The following TIAM2 variants were observed in gnomAD, a reference collection of about 807,000 sequenced individuals.
TIAM2 encodes TIAM Rac1 associated GEF 2.
TIAM2 carries 80 observed loss-of-function variants against 152.9 expected under a neutral mutation model. The observed-to-expected ratio is 0.52, with a 90% CI of 0.44 to 0.63. TIAM2 has a LOEUF of 0.63. Ranked by LOEUF, TIAM2 falls within the 30% of genes least tolerant of loss-of-function variation. The probability of loss-of-function intolerance (pLI) is 0.00; values close to 1 mark genes in which losing one functional copy is unlikely to be tolerated. For missense variants in TIAM2, 1,965 were observed against 2,120.1 expected (o/e 0.93, Z 1.44); for synonymous variants, 804 against 838.0 (o/e 0.96, Z 0.70).
In TIAM2 at chr6:155,244,738, A is replaced by G. The variant is rs1783221223; in HGVS notation, c.3498A>G (p.Ser1166=). 1.2e-6 allele frequency: 2 copies of G among 1,614,110 alleles called. No homozygotes were observed. The highest frequency in any genetic ancestry group is 1.7e-6 in the Non-Finnish European group (2 of 1,179,996). ...TGGAGACCCTGGAGGATGGGATTTC[A>G]GCATCATCTGACTTTAACACCCTAG... is the stretch of plus-strand genomic sequence containing the variant. ...VFLETLEDGI[S]ASSDFNTLET... The change falls in exon 18 of 27, where the codon TCA becomes TCG. Residue 1166 remains serine (S), a synonymous_variant. Coordinates refer to ENST00000682666, the MANE Select transcript of TIAM2 (RefSeq NM_012454.4).
At chr6:155,177,610 C>T (rs1780787808) in intron 10 of TIAM2, among the ~76,000 whole-genome samples, 1 of 152,208 alleles carries the variant, frequency 6.6e-6, no homozygotes, top group South Asian at 2.1e-4. Context: ...ATACAATCAA[C>T]TATGTTGAAA....
At chr6:155,114,011 ACT>A (rs1778928185) in intron 2 of TIAM2, among the ~76,000 whole-genome samples, 12 of 49,168 alleles carry the variant, frequency 2.4e-4, no homozygotes, top group Non-Finnish European at 3.5e-4. Flanking sequence ...TTTATACTTT[ACT>A]TTATATATAT....
chr6:155,129,794 T>C lies in TIAM2; in HGVS notation c.571T>C (p.Cys191Arg), dbSNP rs1466810256. The change falls in exon 4 of 27, where the codon TGC becomes CGC. Residue 191 changes from cysteine to arginine, a missense_variant. By Grantham distance (180) the Cys-to-Arg change is radical (BLOSUM62 -3). Around this residue, in one of 3 missense-constraint regions of TIAM2, gnomAD observed 1,025 missense variants for 1,119.4 expected, o/e 0.92. Coordinates refer to ENST00000682666, the MANE Select transcript of TIAM2 (RefSeq NM_012454.4). The surrounding 1 kb of genome is among the most constrained non-coding windows in gnomAD (Gnocchi z 4.8). ...CCCCAGCAAAGTGCCTGCAGAGGAC[T>C]GCAGTGAGCCGGTGCAGCTGCTGAG... The part of the protein sequence containing the change: ...GNPSKVPAED[C>R]SEPVQLLRYS... 6.2e-7 allele frequency: 1 copy of C among 1,613,778 alleles called. No individual in the cohort carries two copies. The highest frequency in any genetic ancestry group is 1.7e-5 in the Admixed American group (1 of 60,032).
At chr6:155,243,547 G>C (rs185722258) in intron 16 of TIAM2, among the ~76,000 whole-genome samples, 2 of 152,084 alleles carry the variant, frequency 1.3e-5, no homozygotes, top group African/African-American at 4.8e-5. Context: ...TACTTTTGGG[G>C]TCAGGAATTT....
chr6:155,052,653 C>T (rs1009108317), intron 1 of TIAM2, among the ~76,000 whole-genome samples: 7 of 151,624 alleles, frequency 4.6e-5, no homozygotes, highest in African/African-American at 1.7e-4. Context: ...GTAATCCCAG[C>T]GACTCGGGAG....
chr6:155,183,623 G>A, intron 14 of TIAM2, 123 bp downstream of exon 14: 7 of 1,172,356 alleles, frequency 6.0e-6, no homozygotes, highest in Non-Finnish European at 8.1e-6. Context: ...TAATTTATTA[G>A]AAGAACACAG....
Position 155,257,023 on chromosome 6 carries a change from C to T in TIAM2, c.5008C>T (p.Leu1670=). ...DSQSENATID[L]NSVLEREFSV... ...TCAGTCTGAAAATGCCACCATCGAC[C>T]TAAATTCTGTTCTAGAGCGAGAATT... The change falls in exon 27 of 27, where the codon CTA becomes TTA. Residue 1670 remains leucine, a synonymous_variant. Coordinates refer to ENST00000682666, the MANE Select transcript of TIAM2 (RefSeq NM_012454.4). 1.2e-6 allele frequency: 2 copies of T among 1,614,162 alleles called. No homozygotes were observed. The highest frequency in any genetic ancestry group is 2.7e-5 in the African/African-American group (2 of 75,018).
intron 2 of TIAM2, among the ~76,000 whole-genome samples, chr6:155,094,992 G>A (rs1029937767): frequency 1.3e-5 from 2 of 151,828 alleles, no homozygotes; most frequent in Non-Finnish European, 2.9e-5. Context: ...CTCTTTTTCA[G>A]TTCTCCATGG....
intron 14 of TIAM2, among the ~76,000 whole-genome samples, chr6:155,193,781 T>C (rs1191707601): frequency 6.6e-6 from 1 of 152,188 alleles, no homozygotes; most frequent in Non-Finnish European, 1.5e-5. Context: ...TAAGTGAAAC[T>C]GGCGCATTTT....
At chr6:155,159,121 T>G (rs1780199647) in intron 7 of TIAM2, among the ~76,000 whole-genome samples, 1 of 152,188 alleles carries the variant, frequency 6.6e-6, no homozygotes, top group Non-Finnish European at 1.5e-5. Flanking sequence ...TTCTGAAGAA[T>G]TGTTATAAAA....
chr6:155,013,098 G>C (rs1243785311), intron 1 of TIAM2, among the ~76,000 whole-genome samples: 1 of 151,996 alleles, frequency 6.6e-6, no homozygotes. Flanking sequence ...TCCCCTACCT[G>C]TGGCACATTG....
chr6:155,244,542 T>G (rs1262215365), intron 17 of TIAM2, 116 bp from the exon 18 acceptor site: 8 of 1,287,930 alleles, frequency 6.2e-6, no homozygotes, highest in Non-Finnish European at 1.1e-6. Context: ...GGATTTACTT[T>G]CTGTCTGCTT....
At chr6:155,029,033 T>G (rs184697214) in intron 1 of TIAM2, among the ~76,000 whole-genome samples, 6 of 130,414 alleles carry the variant, frequency 4.6e-5, no homozygotes, top group African/African-American at 1.7e-4. Flanking sequence ...ACACTGTATA[T>G]ACTATATATA....
At chr6:155,037,855 C>T (rs1776951649) in intron 1 of TIAM2, among the ~76,000 whole-genome samples, 1 of 152,118 alleles carries the variant, frequency 6.6e-6, no homozygotes, top group Admixed American at 6.6e-5. Flanking sequence ...TGAGTCCTTA[C>T]TTCTTCTGTG....
intron 1 of TIAM2, among the ~76,000 whole-genome samples, chr6:155,049,289 G>C (rs1409063298): frequency 6.6e-6 from 1 of 152,120 alleles, no homozygotes; most frequent in Non-Finnish European, 1.5e-5. Context: ...CACCTTCCTG[G>C]GTGAGAGGGT....
chr6:155,071,316 A>G (rs901702894), intron 1 of TIAM2, among the ~76,000 whole-genome samples: 6 of 152,244 alleles, frequency 3.9e-5, no homozygotes, highest in African/African-American at 1.4e-4. Flanking sequence ...CTGAACTTAC[A>G]TGACTTGGGA....
Position 155,130,296 on chromosome 6 carries a change from TC to T in TIAM2, c.1077del (p.Cys360ValfsTer57). 1 of 1,613,916 alleles carries T rather than the reference TC, an allele frequency of 6.2e-7. No homozygotes were observed. The highest frequency in any genetic ancestry group is 8.5e-7 in the Non-Finnish European group (1 of 1,179,968). On this transcript the variant is annotated frameshift_variant, in exon 4 of 27. Coordinates refer to ENST00000682666, the MANE Select transcript of TIAM2 (RefSeq NM_012454.4). LOFTEE classifies it high-confidence loss of function. ...GDPIQYSSFT[L>X]PCRKPKAFVE... The stretch of plus-strand genomic sequence containing the variant: ...CCCATCCAGTACAGTTCCTTCACTC[TC>T]CCCTGTCGGAAGCCCAAAGCCTTTG...
At chr6:155,221,120 T>C (rs1399208676) in intron 15 of TIAM2, among the ~76,000 whole-genome samples, 1 of 54,116 alleles carries the variant, frequency 1.8e-5, no homozygotes, top group African/African-American at 7.1e-5. Flanking sequence ...GTTTTTTTTT[T>C]TTTTTGAAAA....
rs149223952 is a variant in TIAM2, at chr6:155,194,128, C to A, written c.3064+10628C>A. Among the ~76,000 whole-genome samples, 168 of 152,176 alleles carry A rather than the reference C, an allele frequency of 1.1e-3. 1 individual carries two copies. Among genetic ancestry groups the A allele is most frequent in the African/African-American group, 3.9e-3 (163 of 41,498 alleles). On this transcript the variant is annotated intron_variant, in intron 14 of 26. Transcript: ENST00000682666. Reference sequence around the variant, plus strand: ...CCAGGGAGGGTCTCACCTTTGTTAACCCCTAGGGAATGAGAAGGTAGATGA... The same window carrying A: ...CCAGGGAGGGTCTCACCTTTGTTAAACCCTAGGGAATGAGAAGGTAGATGA...
Sources: allele counts gnomAD v4.1 joint callset (sites outside exome capture counted in the v4.1 genomes callset), GRCh38; gene constraint gnomAD v4.1.1; regional missense constraint gnomAD v4.1.1; non-coding constraint Gnocchi (gnomAD v3.1); transcripts MANE v1.5; gene names NCBI Gene and HGNC (gene_info 2026-07-23, HGNC 2026-07-21).